Variants in KIRREL3 observed in about 807,000 individuals in gnomAD.
KIRREL3 encodes the protein kin of IRRE-like protein 3.
Under a neutral mutation model 89.7 loss-of-function variants are expected in KIRREL3, and 36 were observed. That is an observed-to-expected ratio of 0.40 (90% CI 0.31 to 0.53). KIRREL3 has a LOEUF of 0.53. KIRREL3 is among the 20% of genes least tolerant of loss of function. The probability of loss-of-function intolerance (pLI) is 0.49; values close to 1 mark genes in which losing one functional copy is unlikely to be tolerated. For missense variants in KIRREL3, 864 were observed against 1,056.6 expected, an observed-to-expected ratio of 0.82 and a Z score of 2.53; for synonymous variants, 445 against 441.4, an observed-to-expected ratio of 1.01 and a Z score of -0.10.
At chr11:126,851,610 C>T (rs4937209) in intron 1 of KIRREL3, among the ~76,000 whole-genome samples, 129,125 of 152,152 alleles carry the variant, frequency 0.85, 54,993 homozygotes, top group East Asian at 1. Flanking sequence ...CCCTGGGAAC[C>T]ACATCCTGAA....
At chr11:126,536,113 A>G (rs1044548500) in intron 2 of KIRREL3, among the ~76,000 whole-genome samples, 3 of 151,938 alleles carry the variant, frequency 2.0e-5, no homozygotes, top group African/African-American at 7.3e-5. Context: ...CTCCATCTCA[A>G]AAAAAAAGAT....
chr11:126,873,531 T>G (rs966006631), intron 1 of KIRREL3, among the ~76,000 whole-genome samples: 1 of 152,228 alleles, frequency 6.6e-6, no homozygotes, highest in East Asian at 1.9e-4. Flanking sequence ...CTTTGTGCAT[T>G]TTTCTTTTTG....
In KIRREL3 at chr11:126,654,562, C is replaced by G. The variant is rs111881176; in HGVS notation, c.56-91650G>C. On this transcript the variant is annotated intron_variant, in intron 1 of 16. Coordinates refer to ENST00000525144, the MANE Select transcript of KIRREL3 (RefSeq NM_032531.4). The stretch of plus-strand genomic sequence containing the variant: ...GGAAGAGCATGTGTAATGTAGGAAG[C>G]GCTTTTGCTTCAGATAGATGTCCTT... 2.9e-3 allele frequency among the ~76,000 whole-genome samples: 440 copies of G among 152,126 alleles called. 7 individuals carry two copies. The highest frequency in any genetic ancestry group is 0.01 in the African/African-American group (419 of 41,482).
chr11:126,847,607 A>G (rs1250995597), intron 1 of KIRREL3, among the ~76,000 whole-genome samples: 1 of 152,186 alleles, frequency 6.6e-6, no homozygotes, highest in Non-Finnish European at 1.5e-5. Context: ...ATCAAGCAGA[A>G]TAGGAGTTAA....
intron 1 of KIRREL3, among the ~76,000 whole-genome samples, chr11:126,699,285 G>A (rs780302083): frequency 2.6e-5 from 4 of 152,158 alleles, no homozygotes; most frequent in South Asian, 2.1e-4. Context: ...TATCATAACC[G>A]CATCTTCCCC....
chr11:126,640,837 C>T lies in KIRREL3; in HGVS notation c.56-77925G>A, dbSNP rs78041591. 0.022 allele frequency among the ~76,000 whole-genome samples: 3,386 copies of T among 152,248 alleles called. 54 individuals are homozygous for T. The highest frequency in any genetic ancestry group is 0.032 in the Non-Finnish European group (2,151 of 68,018). On this transcript the variant is annotated intron_variant, in intron 1 of 16. Transcript: ENST00000525144. The surrounding 1 kb of genome is among the most constrained non-coding windows in gnomAD (Gnocchi z 4.9). The stretch of plus-strand genomic sequence containing the variant: ...TACGTCACTGACTTATTGCTGGCAT[C>T]TCCTCCCCTTGACCTTCATATTGGA...
rs941832392 is a variant in KIRREL3, at chr11:126,568,032, G to A, written c.56-5120C>T. 1.3e-5 allele frequency among the ~76,000 whole-genome samples: 2 copies of A among 152,108 alleles called. No homozygotes were observed. Among genetic ancestry groups the A allele is most frequent in the Non-Finnish European group, 2.9e-5 (2 of 67,990 alleles). On this transcript the variant is annotated intron_variant, in intron 1 of 16. Transcript: ENST00000525144. The surrounding 1 kb of genome is among the most constrained non-coding windows in gnomAD (Gnocchi z 4.6). ...ACTAACCCCTTCCCACCTGAAGCTAGTAGACTCGAGCACGTCTCTGGAAGC... is the reference window on the plus strand; with the variant it reads ...ACTAACCCCTTCCCACCTGAAGCTAATAGACTCGAGCACGTCTCTGGAAGC...
At chr11:126,449,854 A>G (rs1955961072) in intron 7 of KIRREL3, among the ~76,000 whole-genome samples, 1 of 152,218 alleles carries the variant, frequency 6.6e-6, no homozygotes, top group South Asian at 2.1e-4. Context: ...CTCGCCCCAG[A>G]AAGTCCTCCT....
Position 126,574,583 on chromosome 11 carries a change from A to G in KIRREL3, c.56-11671T>C, listed in dbSNP as rs1025138113. The stretch of plus-strand genomic sequence containing the variant: ...AGGACTGCACAGACCCTGCACGTCA[A>G]TAGCTGAGCCCCAGAGAAGTGACCC... On this transcript the variant is annotated intron_variant, in intron 1 of 16. Coordinates refer to ENST00000525144, the MANE Select transcript of KIRREL3 (RefSeq NM_032531.4). This position sits in a 1 kb window ranked among gnomAD's most constrained non-coding sequence, Gnocchi z 5.3. Among the ~76,000 whole-genome samples the G allele has an allele frequency of 6.6e-6, 1 of 152,220 alleles. No homozygotes were observed. The highest frequency in any genetic ancestry group is 2.4e-5 in the African/African-American group (1 of 41,462).
chr11:126,638,508 T>G (rs1241494749), intron 1 of KIRREL3, among the ~76,000 whole-genome samples: 1 of 152,212 alleles, frequency 6.6e-6, no homozygotes, highest in Non-Finnish European at 1.5e-5. Flanking sequence ...GCATTAGACA[T>G]AGAAATCATT....
chr11:126,548,509 C>T (rs1215440830), intron 2 of KIRREL3, among the ~76,000 whole-genome samples: 1 of 152,250 alleles, frequency 6.6e-6, no homozygotes, highest in Non-Finnish European at 1.5e-5. Context: ...TGTTCAATAG[C>T]ACTTCTCAGA....
rs1947013279 is a variant in KIRREL3, at chr11:126,694,610, T to C, written c.56-131698A>G. On this transcript the variant is annotated intron_variant, in intron 1 of 16. Transcript: ENST00000525144. The surrounding 1 kb of genome is among the most constrained non-coding windows in gnomAD (Gnocchi z 4.4). ...GAATCTGCTCTTGTGGATGAATGAA[T>C]GGCGGTGACAAATCAAACTTTAATC... 6.6e-6 allele frequency among the ~76,000 whole-genome samples: 1 copy of C among 152,146 alleles called. No homozygotes were observed. The highest frequency in any genetic ancestry group is 2.1e-4 in the South Asian group (1 of 4,832).
Position 126,428,669 on chromosome 11 carries a change from G to T in KIRREL3, c.1806+510C>A, listed in dbSNP as rs1565441450. ...ATTTTTGTTGTTGTTGTTGTTTTGAGATGGAGTCTCGCTCTCACCCAGGCT... is the reference window on the plus strand; with the variant it reads ...ATTTTTGTTGTTGTTGTTGTTTTGATATGGAGTCTCGCTCTCACCCAGGCT... On this transcript the variant is annotated intron_variant, in intron 15 of 16. Transcript: ENST00000525144. The surrounding 1 kb of genome is among the most constrained non-coding windows in gnomAD (Gnocchi z 6.4). 6.6e-6 allele frequency among the ~76,000 whole-genome samples: 1 copy of T among 152,092 alleles called. No individual in the cohort carries two copies.
At position 126,486,511 on chromosome 11, in the gene KIRREL3, C is replaced by T. The variant is rs79734698; in HGVS notation, c.434-13045G>A. Among the ~76,000 whole-genome samples the T allele has an allele frequency of 0.023, 3,484 of 152,312 alleles. 141 individuals are homozygous for T. The highest frequency in any genetic ancestry group is 0.075 in the African/African-American group (3,111 of 41,552). On this transcript the variant is annotated intron_variant, in intron 4 of 16. Coordinates refer to ENST00000525144, the MANE Select transcript of KIRREL3 (RefSeq NM_032531.4). This position sits in a 1 kb window ranked among gnomAD's most constrained non-coding sequence, Gnocchi z 6.2. ...TAACCGGCACATGCCCCCTTGCAGCCGCTCACAAAGCTCTCCAGCTGGTTT... is the reference window on the plus strand; with the variant it reads ...TAACCGGCACATGCCCCCTTGCAGCTGCTCACAAAGCTCTCCAGCTGGTTT...
Position 126,454,271 on chromosome 11 carries a change from G to T in KIRREL3, c.848+2078C>A, listed in dbSNP as rs1033202240. On this transcript the variant is annotated intron_variant, in intron 7 of 16. Coordinates refer to ENST00000525144, the MANE Select transcript of KIRREL3 (RefSeq NM_032531.4). The surrounding 1 kb of genome is among the most constrained non-coding windows in gnomAD (Gnocchi z 5.8). Reference sequence around the variant, plus strand: ...GTTTGCTGTCCGGGTCAGTAGGCAGGTGTGGGTGGGGGAGGCAGGCCTGGG... The same window carrying T: ...GTTTGCTGTCCGGGTCAGTAGGCAGTTGTGGGTGGGGGAGGCAGGCCTGGG... 6.6e-6 allele frequency among the ~76,000 whole-genome samples: 1 copy of T among 152,060 alleles called. No homozygotes were observed. Among genetic ancestry groups the T allele is most frequent in the African/African-American group, 2.4e-5 (1 of 41,408 alleles).
At position 126,495,759 on chromosome 11, in the gene KIRREL3, T is replaced by C. The variant is rs1031031191; in HGVS notation, c.434-22293A>G. ...GGGCACTCCCTGCCCTTCTCACCGC[T>C]CTCCTTGTAAAAGGCAGTGCTGTGC... On this transcript the variant is annotated intron_variant, in intron 4 of 16. Transcript: ENST00000525144. This position sits in a 1 kb window ranked among gnomAD's most constrained non-coding sequence, Gnocchi z 6.5. Among the ~76,000 whole-genome samples, 1 of 152,070 alleles carries C rather than the reference T, an allele frequency of 6.6e-6. No individual in the cohort carries two copies. Among genetic ancestry groups the C allele is most frequent in the African/African-American group, 2.4e-5 (1 of 41,396 alleles).
At chr11:126,598,849 C>T (rs903391866) in intron 1 of KIRREL3, among the ~76,000 whole-genome samples, 19 of 152,154 alleles carry the variant, frequency 1.2e-4, no homozygotes, top group African/African-American at 2.2e-4. Flanking sequence ...GTCTTGCAAG[C>T]GTTACTTCTG....
Position 126,817,965 on chromosome 11 carries a change from A to T in KIRREL3, c.55+182490T>A, listed in dbSNP as rs1565323337. On this transcript the variant is annotated intron_variant, in intron 1 of 16. Coordinates refer to ENST00000525144, the MANE Select transcript of KIRREL3 (RefSeq NM_032531.4). This position sits in a 1 kb window ranked among gnomAD's most constrained non-coding sequence, Gnocchi z 5.7. ...GAATCAGAGGCTTCAGCAGGAGGAGAGGCTCAAATGAGCCCAAGCTGATTA... is the reference window on the plus strand; with the variant it reads ...GAATCAGAGGCTTCAGCAGGAGGAGTGGCTCAAATGAGCCCAAGCTGATTA... Among the ~76,000 whole-genome samples the T allele has an allele frequency of 6.6e-6, 1 of 152,222 alleles. No individual in the cohort carries two copies. The highest frequency in any genetic ancestry group is 2.4e-5 in the African/African-American group (1 of 41,472).
chr11:126,811,466 C>A lies in KIRREL3; in HGVS notation c.55+188989G>T, dbSNP rs1318867178. ...TCTAGCACATAGAGTATTCTCATAG[C>A]TGTTGACAAACTGGACAGATACATG... is the stretch of plus-strand genomic sequence containing the variant. On this transcript the variant is annotated intron_variant, in intron 1 of 16. Transcript: ENST00000525144. This position sits in a 1 kb window ranked among gnomAD's most constrained non-coding sequence, Gnocchi z 4.3. 2.6e-5 allele frequency among the ~76,000 whole-genome samples: 4 copies of A among 152,244 alleles called. No homozygotes were observed. Among genetic ancestry groups the A allele is most frequent in the Non-Finnish European group, 5.9e-5 (4 of 68,048 alleles).
Sources: allele counts gnomAD v4.1 joint callset (sites outside exome capture counted in the v4.1 genomes callset), GRCh38; gene constraint gnomAD v4.1.1; non-coding constraint Gnocchi (gnomAD v3.1); transcripts MANE v1.5; gene names NCBI Gene and HGNC (gene_info 2026-07-23, HGNC 2026-07-21).